Variants in LMO7 observed in about 807,000 individuals in gnomAD.
LMO7 encodes the protein LIM domain 7, also known as LIM domain only protein 7.
A neutral mutation model predicts 206.5 loss-of-function variants in LMO7; 120 were observed. The ratio of observed to expected loss-of-function variants is 0.58; its 90% CI spans 0.50 to 0.68. The LOEUF is 0.68. LMO7 is among the 30% of genes least tolerant of loss of function. LMO7 has a pLI of 0.00. For missense variants in LMO7, 1,959 were observed against 1,957.9 expected, an observed-to-expected ratio of 1.00 and a Z score of -0.01; for synonymous variants, 706 against 681.5, an observed-to-expected ratio of 1.04 and a Z score of -0.56.
At chr13:75,822,629 A>C (rs905226233) in intron 14 of LMO7, among the ~76,000 whole-genome samples, 2 of 151,762 alleles carry the variant, frequency 1.3e-5, no homozygotes, top group African/African-American at 4.8e-5. Context: ...AGAATGAGGC[A>C]TATAACTTTT....
At chr13:75,683,301 TCA>T (rs2040709661) in intron 1 of LMO7, among the ~76,000 whole-genome samples, 1 of 152,194 alleles carries the variant, frequency 6.6e-6, no homozygotes, top group Non-Finnish European at 1.5e-5. Context: ...TAGCCAAATA[TCA>T]CAAATTTATT....
intron 24 of LMO7, 116 bp downstream of exon 24, chr13:75,842,099 G>C: frequency 1.4e-6 from 1 of 736,198 alleles, no homozygotes; most frequent in South Asian, 2.0e-5. Context: ...GTGAATACAA[G>C]CCACCAAAGA....
In LMO7 at chr13:75,834,236, A is replaced by C. The variant is rs2058935693; in HGVS notation, c.3075A>C (p.Ala1025=). The change falls in exon 17 of 31, where the codon GCA becomes GCC. Residue 1025 remains alanine, a synonymous_variant. Transcript: ENST00000377534. ...FVASVEAGSP[A]EFSQLQVDDE... ...ATTTTGCATTTTTAGGTAGCCCAGC[A>C]GAATTTTCTCAGCTACAAGTAGATG... 4 of 1,591,606 alleles carry C rather than the reference A, an allele frequency of 2.5e-6. No individual in the cohort carries two copies. The highest frequency in any genetic ancestry group is 3.4e-6 in the Non-Finnish European group (4 of 1,169,296).
rs765839918 is a variant in LMO7 at position 75,821,293 on chromosome 13, A to C, written c.2324A>C (p.Gln775Pro). Residue 775 changes from glutamine to proline, a missense_variant, in exon 14 of 31, where the codon CAG (glutamine) becomes CCG (proline). Gln to Pro is a moderately conservative substitution (Grantham distance 76). Coordinates refer to ENST00000377534, the MANE Select transcript of LMO7 (RefSeq NM_001306080.2). ...ATGACTGTGTCAGAAGCAAGTTACC[A>C]GAGTGAGAGAGTAGAAGAGAAGGGA... is the stretch of plus-strand genomic sequence containing the variant. ...PTMTVSEASYQSERVEEKGAT... is the reference protein window; with the variant it reads ...PTMTVSEASYPSERVEEKGAT... The C allele has an allele frequency of 2.1e-5, 34 of 1,614,018 alleles. No individual in the cohort carries two copies. Among genetic ancestry groups the C allele is most frequent in the Non-Finnish European group, 2.8e-5 (33 of 1,179,990 alleles).
intron 1 of LMO7, among the ~76,000 whole-genome samples, chr13:75,661,549 A>G (rs1264914720): frequency 2.6e-5 from 4 of 152,190 alleles, no homozygotes. Context: ...GGACACCAGA[A>G]GTAAGGAAAA....
intron 19 of LMO7, 43 bp downstream of exon 19, chr13:75,836,500 G>A: frequency 1.0e-6 from 1 of 990,776 alleles, no homozygotes; most frequent in Non-Finnish European, 1.5e-6. Flanking sequence ...TACAGGAAAA[G>A]ACATAGCACT....
intron 1 of LMO7, among the ~76,000 whole-genome samples, chr13:75,674,059 T>G (rs145395770): frequency 1.3e-5 from 2 of 152,370 alleles, no homozygotes; most frequent in East Asian, 3.9e-4. Context: ...AATAAAAACT[T>G]TCTCTCAAAG....
chr13:75,722,842 A>G (rs765475511), intron 2 of LMO7, among the ~76,000 whole-genome samples: 3 of 152,238 alleles, frequency 2.0e-5, no homozygotes, highest in Non-Finnish European at 4.4e-5. Flanking sequence ...ACTCAGCCAT[A>G]AAAAGGAACG....
intron 4 of LMO7, among the ~76,000 whole-genome samples, chr13:75,773,436 C>G (rs2049998065): frequency 6.6e-6 from 1 of 152,030 alleles, no homozygotes; most frequent in South Asian, 2.1e-4. Flanking sequence ...AATGAAGTAG[C>G]CTACACAATG....
chr13:75,800,623 A>T (rs918569936), intron 6 of LMO7, 61 bp from the exon 7 acceptor site: 1 of 1,470,202 alleles, frequency 6.8e-7, no homozygotes, highest in East Asian at 2.3e-5. Context: ...GTAATAACCG[A>T]TTGATTATAT....
intron 1 of LMO7, among the ~76,000 whole-genome samples, chr13:75,648,084 G>A (rs886314236): frequency 1.3e-5 from 2 of 150,952 alleles, no homozygotes; most frequent in Admixed American, 6.6e-5. Context: ...AGTAGCTGGG[G>A]CTATCGGTGC....
In LMO7 at chr13:75,858,003, T is replaced by A; in HGVS notation, c.*60T>A. On this transcript the variant is annotated 3_prime_UTR_variant, in exon 31 of 31. Coordinates refer to ENST00000377534, the MANE Select transcript of LMO7 (RefSeq NM_001306080.2). Reference sequence around the variant, plus strand: ...GAAGAAGAGGTGGTTGCTGCTCATGTAGATCTATAAATATGTGTTGTATGT... The same window carrying A: ...GAAGAAGAGGTGGTTGCTGCTCATGAAGATCTATAAATATGTGTTGTATGT... 1.2e-6 allele frequency: 2 copies of A among 1,601,146 alleles called. No individual in the cohort carries two copies. Among genetic ancestry groups the A allele is most frequent in the Non-Finnish European group, 1.7e-6 (2 of 1,172,438 alleles).
At chr13:75,665,982 T>C (rs1411943712) in intron 1 of LMO7, among the ~76,000 whole-genome samples, 3 of 152,244 alleles carry the variant, frequency 2.0e-5, no homozygotes, top group East Asian at 3.8e-4. Flanking sequence ...TGTTAGAAGA[T>C]ATTCAGAAGA....
chr13:75,807,457 C>A, intron 9 of LMO7, 23 bp from the exon 10 acceptor site: 1 of 1,606,602 alleles, frequency 6.2e-7, no homozygotes, highest in Non-Finnish European at 8.5e-7. Flanking sequence ...GATTCTCTTT[C>A]CTTTTTCCTC....
rs199981413 is a variant in LMO7 at position 75,838,118 on chromosome 13, T to C, written c.3395-22T>C. 1.6e-5 allele frequency: 22 copies of C among 1,400,312 alleles called. No individual in the cohort carries two copies. The African/African-American group carries it at 2.8e-4, about 18-fold the overall frequency. 86.7% of individuals were successfully genotyped at this position (1,400,312 alleles called of 1,614,324 possible). A position where few individuals can be genotyped will look rare whatever the true frequency, so the allele number is the denominator to read the frequency against. On this transcript the variant is annotated intron_variant, in intron 19 of 30. Coordinates refer to ENST00000377534, the MANE Select transcript of LMO7 (RefSeq NM_001306080.2). Reference sequence around the variant, plus strand: ...TGAGAAATAAAAATGAATGACATAGTGTTTATTTTTTTTTCAACTAGCATC... The same window carrying C: ...TGAGAAATAAAAATGAATGACATAGCGTTTATTTTTTTTTCAACTAGCATC...
intron 1 of LMO7, among the ~76,000 whole-genome samples, chr13:75,639,869 A>G (rs539802192): frequency 6.6e-5 from 10 of 152,070 alleles, no homozygotes; most frequent in Non-Finnish European, 1.2e-4. Context: ...CCTTCCTGTT[A>G]TCTCTGGATT....
intron 6 of LMO7, 128 bp downstream of exon 6, chr13:75,796,877 A>C: frequency 1.6e-6 from 1 of 640,236 alleles, no homozygotes; most frequent in South Asian, 2.1e-5. Context: ...TCTTTGTCCT[A>C]CTATCAATTG....
At position 75,804,454 on chromosome 13, in the gene LMO7, T is replaced by C. The variant is rs370677963; in HGVS notation, c.827T>C (p.Leu276Pro). The change falls in exon 8 of 31, where the codon CTG (leucine) becomes CCG (proline). Residue 276 changes from leucine to proline, a missense_variant. Transcript: ENST00000377534. ...CAGCCATCCTATGTACCAGCACCTC[T>C]GAGAAAGAAAAAGCCAGACAAACAT... The part of the protein sequence containing the change: ...SRQPSYVPAP[L>P]RKKKPDKHED... The C allele has an allele frequency of 1.2e-6, 2 of 1,614,026 alleles. No individual in the cohort carries two copies.
intron 1 of LMO7, among the ~76,000 whole-genome samples, chr13:75,680,564 T>G (rs2040392840): frequency 7.1e-6 from 1 of 140,346 alleles, no homozygotes; most frequent in South Asian, 2.2e-4. Context: ...CATCTGTTGT[T>G]TCTTGACTTT....
Sources: gnomAD v4.1 joint callset for allele counts (sites outside exome capture counted in the v4.1 genomes callset) on GRCh38, gnomAD v4.1.1 for gene constraint, MANE v1.5 for transcripts, NCBI Gene and HGNC (gene_info 2026-07-23, HGNC 2026-07-21) for gene names.